The following TPGS2 variants were observed in gnomAD, a reference collection of about 807,000 sequenced individuals.
TPGS2 encodes tubulin polyglutamylase complex subunit 2.
In TPGS2, 26 loss-of-function variants were observed where a neutral mutation model predicts 31.1. The ratio of observed to expected loss-of-function variants is 0.84; its 90% CI spans 0.61 to 1.16. The LOEUF (loss-of-function observed/expected upper bound fraction) is 1.16, where lower values mean the gene tolerates loss of function less well. Among genes scored for constraint, TPGS2 ranks in the 50% most tolerant of loss-of-function variants. The pLI is 0.00. For synonymous variants in TPGS2, 130 were observed against 136.6 expected (o/e 0.95, Z 0.34); for missense variants, 351 against 363.8 (o/e 0.96, Z 0.29).
chr18:36,797,979 A>G (rs1348301118), intron 6 of TPGS2: 1 of 188,366 alleles, frequency 5.3e-6, no homozygotes, highest in East Asian at 1.4e-4. Context: ...TGTTGACAGT[A>G]CATTACACTT....
intron 2 of TPGS2, among the ~76,000 whole-genome samples, chr18:36,810,193 C>G (rs1568018275): frequency 6.6e-6 from 1 of 152,186 alleles, no homozygotes; most frequent in Admixed American, 6.5e-5. Flanking sequence ...GCTGGGCCTG[C>G]AGTTCTCCAG....
intron 1 of TPGS2, chr18:36,821,132 A>G (rs2045876875): frequency 6.6e-6 from 1 of 152,188 alleles, no homozygotes; most frequent in Non-Finnish European, 1.5e-5. Flanking sequence ...GCCTTGCCCT[A>G]TAAAATATTG....
chr18:36,796,797 A>G lies in TPGS2; in HGVS notation c.*8T>C. ...CTGGAGCTGGTAGGGAGTTGGAGGG[A>G]GGGGTGCTCACTTCCGGGTGGGGTT... On this transcript the variant is annotated 3_prime_UTR_variant, in exon 7 of 7. Transcript: ENST00000334295. The G allele has an allele frequency of 6.3e-7, 1 of 1,590,966 alleles. No individual in the cohort carries two copies. Among genetic ancestry groups the G allele is most frequent in the Non-Finnish European group, 8.5e-7 (1 of 1,173,502 alleles).
chr18:36,805,362 G>T lies in TPGS2; in HGVS notation c.382+12C>A, dbSNP rs751359617. The T allele has an allele frequency of 6.2e-7, 1 of 1,613,400 alleles. No homozygotes were observed. The highest frequency in any genetic ancestry group is 1.3e-5 in the African/African-American group (1 of 75,030). ...GCTGGAAACAAAGATACCAACCTTG[G>T]TATCTTCCTACCTTCATGTGTATCG... On this transcript the variant is annotated intron_variant, in intron 4 of 6. Coordinates refer to ENST00000334295, the MANE Select transcript of TPGS2 (RefSeq NM_015476.4).
chr18:36,819,013 C>T (rs747155997), intron 1 of TPGS2, 40 bp from the exon 2 acceptor site: 53 of 1,526,724 alleles, frequency 3.5e-5, no homozygotes, highest in East Asian at 2.7e-4. Flanking sequence ...GCAATTGGTC[C>T]GCTGTCATAC....
chr18:36,794,712 T>G lies in TPGS2; in HGVS notation c.*2093A>C. The G allele has an allele frequency of 1.0e-6, 1 of 985,356 alleles. No homozygotes were observed. Among genetic ancestry groups the G allele is most frequent in the Non-Finnish European group, 1.2e-6 (1 of 829,934 alleles). 61.0% of individuals were successfully genotyped at this position (985,356 alleles called of 1,614,324 possible). On this transcript the variant is annotated 3_prime_UTR_variant, in exon 7 of 7. Transcript: ENST00000334295. ...TCCTCAACAACTTGGTCTCTCTATA[T>G]CCTTTTCTGCCACTCCATGAATTGT...
intron 4 of TPGS2, 55 bp downstream of exon 4, chr18:36,805,319 C>T (rs1360959213): frequency 6.9e-6 from 11 of 1,596,116 alleles, no homozygotes. Flanking sequence ...CTACTATGCG[C>T]CAGGCATGGA....
rs2044739155 is a variant in TPGS2, at chr18:36,800,246, A to AG, written c.447_448insC (p.Cys150LeufsTer23). 1 of 1,614,088 alleles carries AG rather than the reference A, an allele frequency of 6.2e-7. No individual in the cohort carries two copies. The highest frequency in any genetic ancestry group is 1.3e-5 in the African/African-American group (1 of 74,948). Reference sequence around the variant, plus strand: ...AGGCAAACTTTCCCACTGCCATTGCATGAATCCAGCTCAAATATCACACTG... The same window carrying AG: ...AGGCAAACTTTCCCACTGCCATTGCAGTGAATCCAGCTCAAATATCACACTG... On this transcript the variant is annotated frameshift_variant, in exon 5 of 7. Transcript: ENST00000334295. LOFTEE classifies it high-confidence loss of function.
At chr18:36,786,806 G>A (rs1275661036) in intron 6 of TPGS2, 2 of 1,234,124 alleles carry the variant, frequency 1.6e-6, no homozygotes, top group Non-Finnish European at 2.0e-6. Context: ...TGGTTGGAGA[G>A]TTTTATTTGT....
chr18:36,827,360 T>C (rs572479567), intron 1 of TPGS2, among the ~76,000 whole-genome samples: 1 of 152,364 alleles, frequency 6.6e-6, no homozygotes, highest in African/African-American at 2.4e-5. Flanking sequence ...TTATTCGAAC[T>C]ATATTCAGGG....
At chr18:36,784,337 T>C (rs2044082854) in intron 6 of TPGS2, among the ~76,000 whole-genome samples, 1 of 152,220 alleles carries the variant, frequency 6.6e-6, no homozygotes, top group Admixed American at 6.5e-5. Flanking sequence ...CTTAGGGCCC[T>C]TTCCTGGGGC....
chr18:36,807,123 G>C (rs910714548), intron 3 of TPGS2, among the ~76,000 whole-genome samples: 2 of 152,126 alleles, frequency 1.3e-5, no homozygotes, highest in East Asian at 3.9e-4. Flanking sequence ...AGGAACTGGA[G>C]GGGAGGGGCT....
chr18:36,805,386 C>T lies in TPGS2; in HGVS notation c.370G>A (p.Asp124Asn), dbSNP rs7234328. The T allele has an allele frequency of 4.2e-5, 67 of 1,613,860 alleles. No homozygotes were observed. The highest frequency in any genetic ancestry group is 3.5e-4 in the South Asian group (32 of 91,066). The change falls in exon 4 of 7, where the codon GAT (aspartate) becomes AAT (asparagine). Residue 124 changes from aspartate (D) to asparagine (N), a missense_variant. Physicochemically the swap from Asp to Asn is conservative, Grantham distance 23 (BLOSUM62 1). Coordinates refer to ENST00000334295, the MANE Select transcript of TPGS2 (RefSeq NM_015476.4). ...NAPTLADLED[D>N]THEASDDQPE... ...GGTATCTTCCTACCTTCATGTGTAT[C>T]GTCCTCCAGGTCTGCCAGAGTGGGT... is the stretch of plus-strand genomic sequence containing the variant.
downstream of TPGS2, chr18:36,789,307 AC>A (rs2044228285): frequency 6.6e-6 from 1 of 152,212 alleles, no homozygotes; most frequent in Non-Finnish European, 1.5e-5. Context: ...ATAATATAAA[AC>A]AAGCCGTGCT....
At chr18:36,785,253 C>T (rs957570740) in intron 6 of TPGS2, among the ~76,000 whole-genome samples, 2 of 152,106 alleles carry the variant, frequency 1.3e-5, no homozygotes, top group African/African-American at 4.8e-5. Flanking sequence ...GAGCCGAGAT[C>T]GCGCCATTGC....
intron 4 of TPGS2, among the ~76,000 whole-genome samples, chr18:36,804,292 C>T (rs2044996770): frequency 1.3e-5 from 2 of 152,140 alleles, no homozygotes; most frequent in African/African-American, 2.4e-5. Context: ...TGGTTTTTAT[C>T]CCCATTTGTA....
At chr18:36,800,395 A>G in intron 4 of TPGS2, 84 bp from the exon 5 acceptor site, 1 of 1,129,300 alleles carries the variant, frequency 8.9e-7, no homozygotes, top group Non-Finnish European at 1.3e-6. Context: ...TAGGTGGAAA[A>G]AACAGAAGGA....
At chr18:36,804,838 T>C (rs1441791483) in intron 4 of TPGS2, among the ~76,000 whole-genome samples, 5 of 152,128 alleles carry the variant, frequency 3.3e-5, no homozygotes, top group African/African-American at 1.2e-4. Flanking sequence ...AAGGGAGAGA[T>C]TCTGCAAACA....
At position 36,828,663 on chromosome 18, in the gene TPGS2, A is replaced by G. The variant is rs2150732402; in HGVS notation, c.85+20T>C. The stretch of plus-strand genomic sequence containing the variant: ...TCCTTCTCCTCCACACCCTCTCGGC[A>G]CCGTGCCCCCTTTCCTCACCTAGGA... On this transcript the variant is annotated intron_variant, in intron 1 of 6. Coordinates refer to ENST00000334295, the MANE Select transcript of TPGS2 (RefSeq NM_015476.4). 1 of 1,613,522 alleles carries G rather than the reference A, an allele frequency of 6.2e-7. No homozygotes were observed. The highest frequency in any genetic ancestry group is 8.5e-7 in the Non-Finnish European group (1 of 1,179,678).
Sources: allele counts gnomAD v4.1 joint callset (sites outside exome capture counted in the v4.1 genomes callset), GRCh38; gene constraint gnomAD v4.1.1; transcripts MANE v1.5; gene names NCBI Gene and HGNC (gene_info 2026-07-23, HGNC 2026-07-21).